KIAA0825: variants seen among roughly 807,000 people sequenced by gnomAD.
KIAA0825 encodes uncharacterized protein KIAA0825.
A neutral mutation model predicts 147.6 loss-of-function variants in KIAA0825; 119 were observed. That is an observed-to-expected ratio of 0.81 (90% CI 0.69 to 0.94). The LOEUF (loss-of-function observed/expected upper bound fraction) is 0.94. KIAA0825 is among the 40% of genes least tolerant of loss of function. The pLI is 0.00. For synonymous variants in KIAA0825, 470 were observed against 518.1 expected (o/e 0.91, Z 1.26); for missense variants, 1,381 against 1,472.7 (o/e 0.94, Z 1.02).
chr5:94,341,884 C>A (rs1782428293), intron 20 of KIAA0825, among the ~76,000 whole-genome samples: 1 of 152,038 alleles, frequency 6.6e-6, no homozygotes, highest in Non-Finnish European at 1.5e-5. Flanking sequence ...AATAAAGACT[C>A]CCCTCATCTC....
intron 20 of KIAA0825, among the ~76,000 whole-genome samples, chr5:94,286,028 T>C (rs1264300800): frequency 6.6e-6 from 1 of 152,128 alleles, no homozygotes; most frequent in African/African-American, 2.4e-5. Flanking sequence ...TATAATCAAA[T>C]TCTGCTACCT....
intron 5 of KIAA0825, among the ~76,000 whole-genome samples, chr5:94,513,206 T>A (rs1042446447): frequency 3.3e-5 from 5 of 152,156 alleles, no homozygotes; most frequent in African/African-American, 9.7e-5. Flanking sequence ...AAATAGATAA[T>A]TTATTTTTCT....
chr5:94,530,982 G>A (rs999125027), intron 3 of KIAA0825, among the ~76,000 whole-genome samples: 12 of 152,216 alleles, frequency 7.9e-5, no homozygotes, highest in African/African-American at 2.6e-4. Flanking sequence ...AGGGAGACAC[G>A]TGCTTCCCTT....
At chr5:94,292,111 C>A in intron 20 of KIAA0825, among the ~76,000 whole-genome samples, 1 of 152,142 alleles carries the variant, frequency 6.6e-6, no homozygotes, top group East Asian at 1.9e-4. Flanking sequence ...CTTTCTATTG[C>A]CTGATTGCCC....
intron 20 of KIAA0825, among the ~76,000 whole-genome samples, chr5:94,292,062 A>G (rs891278726): frequency 3.9e-5 from 6 of 152,054 alleles, no homozygotes; most frequent in Non-Finnish European, 8.8e-5. Context: ...CGCAGAGACA[A>G]TTTGACTTTC....
chr5:94,367,623 C>G (rs2150435498), intron 20 of KIAA0825, among the ~76,000 whole-genome samples: 1 of 152,220 alleles, frequency 6.6e-6, no homozygotes, highest in Middle Eastern at 3.4e-3. Context: ...ATGACAGGAC[C>G]AGGTGAAGGA....
intron 3 of KIAA0825, among the ~76,000 whole-genome samples, chr5:94,528,317 G>A (rs1769770371): frequency 6.6e-6 from 1 of 152,096 alleles, no homozygotes; most frequent in Non-Finnish European, 1.5e-5. Flanking sequence ...AGTTTACTAT[G>A]AGCAACACAG....
At chr5:94,285,633 A>G (rs1777636906) in intron 20 of KIAA0825, among the ~76,000 whole-genome samples, 1 of 152,196 alleles carries the variant, frequency 6.6e-6, no homozygotes, top group African/African-American at 2.4e-5. Context: ...TATTGTCTGT[A>G]TGTTGGCCTT....
At chr5:94,474,423 A>G (rs1761601389) in intron 7 of KIAA0825, among the ~76,000 whole-genome samples, 1 of 152,180 alleles carries the variant, frequency 6.6e-6, no homozygotes, top group African/African-American at 2.4e-5. Flanking sequence ...AACTTCAGAA[A>G]ACCCTGAGCT....
intron 1 of KIAA0825, among the ~76,000 whole-genome samples, chr5:94,597,952 G>A (rs1427374522): frequency 6.6e-6 from 1 of 152,106 alleles, no homozygotes; most frequent in African/African-American, 2.4e-5. Flanking sequence ...GGAGCTTATA[G>A]GACTGGAAGT....
At chr5:94,590,357 A>AG (rs2152389261) in intron 1 of KIAA0825, among the ~76,000 whole-genome samples, 1 of 152,316 alleles carries the variant, frequency 6.6e-6, no homozygotes, top group Non-Finnish European at 1.5e-5. Context: ...GGTGTCTGGT[A>AG]TACAAGTCCT....
rs1258313589 is a variant in KIAA0825, at chr5:94,580,701, C to T, written c.-2+1732G>A. Among the ~76,000 whole-genome samples the T allele has an allele frequency of 4.6e-5, 3 of 65,904 alleles. 1 individual carries two copies. Among genetic ancestry groups the T allele is most frequent in the Non-Finnish European group, 9.1e-5 (3 of 33,132 alleles). The allele number at this position is 65,904 out of a possible 152,430, so 43.2% of individuals were successfully genotyped here. A position where few individuals can be genotyped will look rare whatever the true frequency, so the allele number is the denominator to read the frequency against. ...ACCATCCCGGCTAAAATGGTGAAAC[C>T]CCGTCTCTACTAAAAATACAAAAAA... On this transcript the variant is annotated intron_variant, in intron 2 of 20. Coordinates refer to ENST00000682413, the MANE Select transcript of KIAA0825 (RefSeq NM_001145678.3).
chr5:94,473,111 A>C (rs573776716), intron 8 of KIAA0825, among the ~76,000 whole-genome samples, 181 bp downstream of exon 8: 43 of 152,306 alleles, frequency 2.8e-4, no homozygotes, highest in East Asian at 2.5e-3. Context: ...AGCACCAGGT[A>C]TAAGTCCTTT....
chr5:94,573,128 T>A (rs1369085427), intron 2 of KIAA0825, among the ~76,000 whole-genome samples: 1 of 27,746 alleles, frequency 3.6e-5, no homozygotes, highest in African/African-American at 1.4e-4. Flanking sequence ...TTGGGGGGGT[T>A]GGGGGGGTTG....
intron 20 of KIAA0825, among the ~76,000 whole-genome samples, chr5:94,298,821 G>A (rs1300662655): frequency 6.6e-6 from 1 of 152,148 alleles, no homozygotes; most frequent in Non-Finnish European, 1.5e-5. Context: ...CGTTCATCTT[G>A]TGCTTGAGCA....
At position 94,342,910 on chromosome 5, in the gene KIAA0825, G is replaced by A. The variant is rs184153260; in HGVS notation, c.3710+41458C>T. On this transcript the variant is annotated intron_variant, in intron 20 of 20. Transcript: ENST00000682413. ...GTAAAATTACTAGAATAAGTGAGTT[G>A]AGCAAAGACTCAGTATCAATAATCT... 1.8e-3 allele frequency among the ~76,000 whole-genome samples: 275 copies of A among 152,124 alleles called. 2 individuals carry two copies. Among genetic ancestry groups the A allele is most frequent in the African/African-American group, 6.5e-3 (269 of 41,528 alleles).
intron 1 of KIAA0825, chr5:94,593,982 T>A (rs1784811857): frequency 2.1e-6 from 1 of 482,196 alleles, no homozygotes; most frequent in Non-Finnish European, 4.1e-6. Flanking sequence ...TCCTTGCTAT[T>A]ACTCTTCCAT....
In KIAA0825 at chr5:94,550,187, G is replaced by A. The variant is rs528704281; in HGVS notation, c.-1-13060C>T. On this transcript the variant is annotated intron_variant, in intron 2 of 20. Transcript: ENST00000682413. ...CATATGTGCTCACTTACCTGTGGAA[G>A]CTAAAAATTAAAACTCTGGTCCTGC... is the stretch of plus-strand genomic sequence containing the variant. 2.6e-5 allele frequency among the ~76,000 whole-genome samples: 4 copies of A among 152,282 alleles called. No homozygotes were observed. The South Asian group carries it at 8.3e-4, about 32-fold the overall frequency.
At chr5:94,538,258 G>A (rs1772503090) in intron 2 of KIAA0825, among the ~76,000 whole-genome samples, 1 of 152,180 alleles carries the variant, frequency 6.6e-6, no homozygotes, top group African/African-American at 2.4e-5. Context: ...GATGGAGCAA[G>A]GACAGAGTGT....
Sources: gnomAD v4.1 joint callset for allele counts (sites outside exome capture counted in the v4.1 genomes callset) on GRCh38, gnomAD v4.1.1 for gene constraint, MANE v1.5 for transcripts, NCBI Gene and HGNC (gene_info 2026-07-23, HGNC 2026-07-21) for gene names.